The following ANAPC2 variants were observed in gnomAD, a reference collection of about 807,000 sequenced individuals.
The protein encoded by ANAPC2 is anaphase-promoting complex subunit 2.
Under a neutral mutation model 84.3 loss-of-function variants are expected in ANAPC2, and 29 were observed. That is an observed-to-expected ratio of 0.34 (90% CI 0.26 to 0.47). ANAPC2 has a LOEUF of 0.47. Among genes scored for constraint, ANAPC2 ranks in the 20% least tolerant of loss-of-function variants. The pLI is 1.00. For synonymous variants in ANAPC2, 571 were observed against 479.4 expected, an observed-to-expected ratio of 1.19 and a Z score of -2.50; for missense variants, 857 against 1,131.7, an observed-to-expected ratio of 0.76 and a Z score of 3.48.
chr9:137,183,594 G>A (rs560157766), intron 5 of ANAPC2, 78 bp downstream of exon 5: 4 of 1,539,792 alleles, frequency 2.6e-6, no homozygotes, highest in South Asian at 1.2e-5. Context: ...GGCAGACTAG[G>A]CCCCAGGCTC....
intron 7 of ANAPC2, among the ~76,000 whole-genome samples, chr9:137,181,289 C>T (rs1041356469): frequency 6.6e-6 from 1 of 152,240 alleles, no homozygotes; most frequent in Admixed American, 6.5e-5. Context: ...CCCTCGCAGA[C>T]GAGGGCCAGG....
At chr9:137,183,597 C>G (rs1834387266) in intron 5 of ANAPC2, 75 bp downstream of exon 5, 1 of 1,546,334 alleles carries the variant, frequency 6.5e-7, no homozygotes, top group Admixed American at 1.9e-5. Flanking sequence ...AGACTAGGCC[C>G]CAGGCTCCCT....
In ANAPC2 at chr9:137,175,012, T is replaced by C. The variant is rs1212981369; in HGVS notation, c.2399A>G (p.Gln800Arg). ...IDLQELQGYL[Q>R]KKVRDQQLVY... ...GAGCTGCTGGTCCCGCACCTTCTTCTGCAGGTAGCCCTGCAGCTCCTGCAG... is the reference window on the plus strand; with the variant it reads ...GAGCTGCTGGTCCCGCACCTTCTTCCGCAGGTAGCCCTGCAGCTCCTGCAG... The change falls in exon 13 of 13, where the codon CAG becomes CGG. Residue 800 changes from glutamine to arginine, a missense_variant. Physicochemically the swap from Gln to Arg is conservative, Grantham distance 43. Transcript: ENST00000323927. The C allele has an allele frequency of 6.2e-7, 1 of 1,604,674 alleles. No individual in the cohort carries two copies. Among genetic ancestry groups the C allele is most frequent in the Non-Finnish European group, 8.5e-7 (1 of 1,176,578 alleles).
rs749274715 is a variant in ANAPC2, at chr9:137,175,438, C to T, written c.2055G>A (p.Val685=). The T allele has an allele frequency of 6.3e-7, 1 of 1,597,746 alleles. No individual in the cohort carries two copies. Among genetic ancestry groups the T allele is most frequent in the Non-Finnish European group, 8.5e-7 (1 of 1,173,390 alleles). The change falls in exon 12 of 13, where the codon GTG becomes GTA. Residue 685 remains valine (V), a synonymous_variant. Transcript: ENST00000323927. ...SWTLEELSKA[V]KMPVALLRRR... ...GCCGCAGCAGCGCCACGGGCATCTT[C>T]ACCGCCTTGCTCAGTTCCTCCAGGG... is the stretch of plus-strand genomic sequence containing the variant.
chr9:137,184,224 A>G (rs1021044693), intron 4 of ANAPC2, among the ~76,000 whole-genome samples: 1 of 152,018 alleles, frequency 6.6e-6, no homozygotes, highest in Non-Finnish European at 1.5e-5. Context: ...CAGAGCCGAC[A>G]TGGCGAAGGC....
chr9:137,182,948 C>T (rs1007064339), intron 6 of ANAPC2, among the ~76,000 whole-genome samples, 177 bp downstream of exon 6: 1 of 152,218 alleles, frequency 6.6e-6, no homozygotes, highest in East Asian at 1.9e-4. Context: ...GACAGGTGCC[C>T]GGCACGGGCA....
Position 137,186,217 on chromosome 9 carries a change from T to G in ANAPC2, c.873+7A>C. 8 of 1,612,244 alleles carry G rather than the reference T, an allele frequency of 5.0e-6. No individual in the cohort carries two copies. Among genetic ancestry groups the G allele is most frequent in the Non-Finnish European group, 6.8e-6 (8 of 1,179,764 alleles). The stretch of plus-strand genomic sequence containing the variant: ...AGCGGGGCACAGCCCAAGGGAGGGG[T>G]CCTCACCTTGTGGAACTCACGCAGG... On this transcript the variant is annotated splice_region_variant and intron_variant, in intron 3 of 12. Transcript: ENST00000323927.
chr9:137,186,130 CGTGCTCTGGAT>C, intron 3 of ANAPC2, 83 bp downstream of exon 3: 1 of 1,544,762 alleles, frequency 6.5e-7, no homozygotes, highest in Non-Finnish European at 8.8e-7. Context: ...CCCAGGCCTC[CGTGCTCTGGAT>C]GCTTCTGAAG....
chr9:137,182,184 C>A (rs1043544704), intron 6 of ANAPC2, among the ~76,000 whole-genome samples: 1 of 152,132 alleles, frequency 6.6e-6, no homozygotes, highest in African/African-American at 2.4e-5. Context: ...TGCACTCCAA[C>A]AGAGCGAGAG....
intron 11 of ANAPC2, 46 bp from the exon 12 acceptor site, chr9:137,175,518 G>GC: frequency 6.6e-7 from 1 of 1,508,310 alleles, no homozygotes; most frequent in Non-Finnish European, 8.9e-7. Context: ...GGCACGGGCT[G>GC]CACCTCCCCT....
intron 11 of ANAPC2, 71 bp from the exon 12 acceptor site, chr9:137,175,543 G>C: frequency 6.7e-7 from 1 of 1,487,844 alleles, no homozygotes; most frequent in African/African-American, 1.4e-5. Flanking sequence ...CCCGTCAGCC[G>C]AGAGGTCGGG....
At position 137,180,327 on chromosome 9, in the gene ANAPC2, GC is replaced by G; in HGVS notation, c.1743del (p.Pro582GlnfsTer63). ...CCGAACGGTGGCTGCTCCTCTGCTGGCCGCTTCTCATCCTCCTCCCGGATGT... is the reference window on the plus strand; with the variant it reads ...CCGAACGGTGGCTGCTCCTCTGCTGGCGCTTCTCATCCTCCTCCCGGATGT... The part of the protein sequence containing the change: ...NANIREEDEK[R>X]PAEEQPPFGV... On this transcript the variant is annotated frameshift_variant, in exon 10 of 13. Transcript: ENST00000323927. LOFTEE classifies it high-confidence loss of function. 1 of 1,613,236 alleles carries G rather than the reference GC, an allele frequency of 6.2e-7. No homozygotes were observed. Among genetic ancestry groups the G allele is most frequent in the African/African-American group, 1.3e-5 (1 of 75,074 alleles).
In ANAPC2 at chr9:137,175,208, CT is replaced by C. The variant is rs544435710; in HGVS notation, c.2256+28del. 3.1e-3 allele frequency: 4,909 copies of C among 1,607,376 alleles called. 9 individuals are homozygous for C. Among genetic ancestry groups the C allele is most frequent in the Non-Finnish European group, 3.7e-3 (4,385 of 1,177,392 alleles). ...CACCTGCAGGCCTCGCCCCCGCCCC[CT>C]GGCCCCCCGTGGGGCCTGCACGCGC... On this transcript the variant is annotated intron_variant, in intron 12 of 12. Transcript: ENST00000323927.
Position 137,187,969 on chromosome 9 carries a change from C to A in ANAPC2, c.252G>T (p.Gln84His). Reference sequence around the variant, plus strand: ...TCCAGAACTCAGGGGAGATGTTGGCCTGCAGATCGTTCTGCAGCACCTCCA... The same window carrying A: ...TCCAGAACTCAGGGGAGATGTTGGCATGCAGATCGTTCTGCAGCACCTCCA... ...WFVEVLQNDL[Q>H]ANISPEFWNA... is the part of the protein sequence containing the mutation. Residue 84 changes from glutamine (Q) to histidine (H), a missense_variant, in exon 2 of 13, where the codon CAG (glutamine) becomes CAT (histidine). Physicochemically the swap from Gln to His is conservative, Grantham distance 24 (BLOSUM62 0). This residue lies in a region of ANAPC2 where 428 missense variants were observed against 513.8 expected (regional missense o/e 0.83). Coordinates refer to ENST00000323927, the MANE Select transcript of ANAPC2 (RefSeq NM_013366.4). 1.2e-6 allele frequency: 2 copies of A among 1,613,940 alleles called. No individual in the cohort carries two copies. The highest frequency in any genetic ancestry group is 1.7e-6 in the Non-Finnish European group (2 of 1,180,048).
intron 6 of ANAPC2, 126 bp from the exon 7 acceptor site, chr9:137,181,988 G>C (rs775535887): frequency 2.0e-6 from 2 of 1,006,186 alleles, no homozygotes; most frequent in Admixed American, 2.7e-5. Flanking sequence ...CAGTGGTGAT[G>C]GGCTATGTAC....
In ANAPC2 at chr9:137,180,856, G is replaced by C; in HGVS notation, c.1542C>G (p.Leu514=). 3 of 1,613,356 alleles carry C rather than the reference G, an allele frequency of 1.9e-6. No individual in the cohort carries two copies. Among genetic ancestry groups the C allele is most frequent in the Non-Finnish European group, 2.5e-6 (3 of 1,179,964 alleles). ...GCAGCGAGCGGTACTCATTGATGAAGAGGTCCTTGCTGCCGTAGATGCTGA... is the reference window on the plus strand; with the variant it reads ...GCAGCGAGCGGTACTCATTGATGAACAGGTCCTTGCTGCCGTAGATGCTGA... ...LLVSIYGSKD[L]FINEYRSLLA... is the part of the protein sequence containing the mutation. Residue 514 remains leucine, a synonymous_variant, in exon 8 of 13, where the codon CTC becomes CTG. Transcript: ENST00000323927.
At chr9:137,185,860 G>A (rs143348112) in intron 3 of ANAPC2, among the ~76,000 whole-genome samples, 30 of 152,266 alleles carry the variant, frequency 2.0e-4, no homozygotes, top group Non-Finnish European at 4.1e-4. Flanking sequence ...ATTAGGGACC[G>A]GCCAAGCGAG....
rs1410754759 is a variant in ANAPC2 at position 137,175,229 on chromosome 9, A to T, written c.2256+8T>A. 6.2e-7 allele frequency: 1 copy of T among 1,611,104 alleles called. No homozygotes were observed. Among genetic ancestry groups the T allele is most frequent in the South Asian group, 1.1e-5 (1 of 90,838 alleles). ...CCCCCTGGCCCCCCGTGGGGCCTGC[A>T]CGCGCACCAGCAGCTCCTCCTCCTT... is the stretch of plus-strand genomic sequence containing the variant. On this transcript the variant is annotated splice_region_variant and intron_variant, in intron 12 of 12. Coordinates refer to ENST00000323927, the MANE Select transcript of ANAPC2 (RefSeq NM_013366.4).
intron 10 of ANAPC2, 53 bp downstream of exon 10, chr9:137,180,128 C>A (rs1265781331): frequency 5.7e-6 from 9 of 1,571,694 alleles, no homozygotes. Flanking sequence ...GGGAGCCCCG[C>A]AGTGCAGGGT....
Sources: allele counts gnomAD v4.1 joint callset (sites outside exome capture counted in the v4.1 genomes callset), GRCh38; gene constraint gnomAD v4.1.1; regional missense constraint gnomAD v4.1.1; transcripts MANE v1.5; gene names NCBI Gene and HGNC (gene_info 2026-07-23, HGNC 2026-07-21).